LRMDA: variants seen among roughly 807,000 people sequenced by gnomAD.
LRMDA encodes the protein leucine-rich melanocyte differentiation-associated protein.
A neutral mutation model predicts 29.8 loss-of-function variants in LRMDA; 18 were observed. That is an observed-to-expected ratio of 0.60 (90% CI 0.42 to 0.90). LRMDA has a LOEUF of 0.90. Among genes scored for constraint, LRMDA ranks in the 40% least tolerant of loss-of-function variants. The pLI is 0.00. For missense variants in LRMDA, 273 were observed against 273.9 expected, an observed-to-expected ratio of 1.00 and a Z score of 0.02; for synonymous variants, 125 against 109.4, an observed-to-expected ratio of 1.14 and a Z score of -0.89.
chr10:75,526,730 C>T (rs1333782098), intron 2 of LRMDA, among the ~76,000 whole-genome samples: 1 of 151,812 alleles, frequency 6.6e-6, no homozygotes, highest in Non-Finnish European at 1.5e-5. Flanking sequence ...GTGGCACATG[C>T]CTGTGGTTCC....
At chr10:75,860,693 A>G (rs1844913335) in intron 2 of LRMDA, among the ~76,000 whole-genome samples, 1 of 152,170 alleles carries the variant, frequency 6.6e-6, no homozygotes, top group Non-Finnish European at 1.5e-5. Context: ...ACTAACAAAC[A>G]TTGGAACGCT....
chr10:76,063,404 T>C (rs1267504161), intron 5 of LRMDA, among the ~76,000 whole-genome samples: 1 of 152,198 alleles, frequency 6.6e-6, no homozygotes, highest in African/African-American at 2.4e-5. Context: ...CTGGGAGGTA[T>C]GTGTACACCA....
chr10:75,988,656 A>AGCCACG (rs1847304744), intron 2 of LRMDA, among the ~76,000 whole-genome samples: 1 of 152,106 alleles, frequency 6.6e-6, no homozygotes, highest in African/African-American at 2.4e-5. Flanking sequence ...CTAGCAGAGC[A>AGCCACG]GCCACGGAGT....
chr10:76,299,188 T>TGTGTGTGTGTGC (rs1188916957), intron 5 of LRMDA, among the ~76,000 whole-genome samples: 2 of 147,696 alleles, frequency 1.4e-5, no homozygotes, highest in Non-Finnish European at 3.0e-5. Context: ...TGTGTGTGTG[T>TGTGTGTGTGTGC]GCATGCACGC....
intron 2 of LRMDA, among the ~76,000 whole-genome samples, chr10:75,493,348 G>GGAGT (rs1554894323): frequency 7.5e-6 from 1 of 133,270 alleles, no homozygotes; most frequent in Non-Finnish European, 1.6e-5. Context: ...GTTGAGATTG[G>GGAGT]GTGTGTGTGT....
Position 76,109,192 on chromosome 10 carries a change from C to T in LRMDA, c.516+50409C>T, listed in dbSNP as rs536193044. ...GCATGGGCTGTGTATTTCTCCCCTC[C>T]TTCCAAAGTGGTGAGCACTTTGCAT... On this transcript the variant is annotated intron_variant, in intron 5 of 6. Transcript: ENST00000611255. Among the ~76,000 whole-genome samples, 255 of 152,252 alleles carry T rather than the reference C, an allele frequency of 1.7e-3. 1 individual carries two copies. The highest frequency in any genetic ancestry group is 5.7e-3 in the African/African-American group (237 of 41,538).
chr10:76,287,578 TAATA>T (rs755554477), intron 5 of LRMDA, among the ~76,000 whole-genome samples: 16 of 152,098 alleles, frequency 1.1e-4, no homozygotes, highest in Non-Finnish European at 2.1e-4. Context: ...TATAATAAAA[TAATA>T]TTTATGCCAG....
intron 6 of LRMDA, among the ~76,000 whole-genome samples, chr10:76,481,630 T>G (rs1160133126): frequency 6.6e-6 from 1 of 151,954 alleles, no homozygotes; most frequent in African/African-American, 2.4e-5. Flanking sequence ...TTAGCTCTTA[T>G]TTTTTATCTC....
At chr10:76,022,042 A>G (rs1847983200) in intron 2 of LRMDA, among the ~76,000 whole-genome samples, 1 of 152,218 alleles carries the variant, frequency 6.6e-6, no homozygotes, top group African/African-American at 2.4e-5. Flanking sequence ...CTTTATGTTA[A>G]AAGTCAAAGA....
chr10:76,086,242 A>T (rs1191952174), intron 5 of LRMDA, among the ~76,000 whole-genome samples: 1 of 152,162 alleles, frequency 6.6e-6, no homozygotes, highest in Non-Finnish European at 1.5e-5. Context: ...TTTGGGAAAG[A>T]GTTCACTCTC....
rs3042574 is a variant in LRMDA, at chr10:76,133,267, C to CGTGT, written c.516+74499_516+74502dup. 1.9e-3 allele frequency among the ~76,000 whole-genome samples: 294 copies of CGTGT among 150,798 alleles called. 2 individuals are homozygous for CGTGT. The highest frequency in any genetic ancestry group is 3.3e-3 in the African/African-American group (134 of 40,986). ...ATATGAGGCTGGATTATATTTATTTCGTGTGTGTGTGTGTGTGTAAATTTT... is the reference window on the plus strand; with the variant it reads ...ATATGAGGCTGGATTATATTTATTTCGTGTGTGTGTGTGTGTGTGTGTAAATTTT... On this transcript the variant is annotated intron_variant, in intron 5 of 6. Coordinates refer to ENST00000611255, the MANE Select transcript of LRMDA (RefSeq NM_001305581.2).
intron 5 of LRMDA, among the ~76,000 whole-genome samples, chr10:76,120,077 G>C (rs1312650181): frequency 6.6e-6 from 1 of 151,894 alleles, no homozygotes; most frequent in African/African-American, 2.4e-5. Flanking sequence ...AGCCCCCTTT[G>C]ACTCAATTAC....
At chr10:75,588,370 C>T (rs528799549) in intron 2 of LRMDA, among the ~76,000 whole-genome samples, 4 of 152,280 alleles carry the variant, frequency 2.6e-5, no homozygotes, top group Admixed American at 1.3e-4. Flanking sequence ...AAGGGGCCAA[C>T]GAGGGGCTTG....
chr10:76,398,402 T>C (rs1393303513), intron 6 of LRMDA, among the ~76,000 whole-genome samples: 1 of 152,248 alleles, frequency 6.6e-6, no homozygotes, highest in Non-Finnish European at 1.5e-5. Context: ...ATTCTAATTA[T>C]AATGTGACCT....
chr10:76,328,422 A>G (rs1223295589), intron 6 of LRMDA, among the ~76,000 whole-genome samples: 1 of 152,222 alleles, frequency 6.6e-6, no homozygotes, highest in East Asian at 1.9e-4. Flanking sequence ...TGAGGAGTGC[A>G]AATATTTTTC....
intron 5 of LRMDA, among the ~76,000 whole-genome samples, chr10:76,219,784 A>G: frequency 6.6e-6 from 1 of 152,026 alleles, no homozygotes; most frequent in Non-Finnish European, 1.5e-5. Context: ...CATCTACAGA[A>G]CTCTCCACCC....
At chr10:76,045,657 A>G (rs985351133) in intron 3 of LRMDA, among the ~76,000 whole-genome samples, 1 of 152,110 alleles carries the variant, frequency 6.6e-6, no homozygotes, top group Non-Finnish European at 1.5e-5. Flanking sequence ...AAGACATGTG[A>G]GCTTCAAATA....
At chr10:75,918,295 T>G (rs1845968444) in intron 2 of LRMDA, among the ~76,000 whole-genome samples, 1 of 152,176 alleles carries the variant, frequency 6.6e-6, no homozygotes, top group Non-Finnish European at 1.5e-5. Context: ...GGGTAATTTA[T>G]TTTTTTAAAA....
At chr10:75,894,303 T>A (rs527604374) in intron 2 of LRMDA, among the ~76,000 whole-genome samples, 2 of 152,216 alleles carry the variant, frequency 1.3e-5, no homozygotes, top group African/African-American at 4.8e-5. Flanking sequence ...CCTGAGTTGC[T>A]TCACTCAGAA....
Sources: gnomAD v4.1 joint callset for allele counts (sites outside exome capture counted in the v4.1 genomes callset) on GRCh38, gnomAD v4.1.1 for gene constraint, MANE v1.5 for transcripts, NCBI Gene and HGNC (gene_info 2026-07-23, HGNC 2026-07-21) for gene names.